The following GNG12 variants were observed in gnomAD, a reference collection of about 807,000 sequenced individuals.
GNG12 encodes guanine nucleotide-binding protein G(I)/G(S)/G(O) subunit gamma-12.
For missense variants in GNG12, 69 were observed against 83.8 expected (o/e 0.82, Z 0.69); for synonymous variants, 28 against 29.7 (o/e 0.94, Z 0.19).
At position 67,808,962 on chromosome 1, in the gene GNG12, G is replaced by A. The variant is rs147633985; in HGVS notation, c.-77+24382C>T. Among the ~76,000 whole-genome samples the A allele has an allele frequency of 1.7e-3, 265 of 152,190 alleles. 1 individual carries two copies. Among genetic ancestry groups the A allele is most frequent in the Middle Eastern group, 3.4e-3 (1 of 294 alleles). On this transcript the variant is annotated intron_variant, in intron 1 of 3. Transcript: ENST00000370982. ...ACTGAATCTAAAGTATTACGAAGAA[G>A]CAAAAGGCCTAGAATAGCCAACTCA...
At chr1:67,750,749 T>C (rs930322078) in intron 2 of GNG12, among the ~76,000 whole-genome samples, 2 of 152,206 alleles carry the variant, frequency 1.3e-5, no homozygotes, top group Admixed American at 6.5e-5. Flanking sequence ...ATATCCTATA[T>C]CTACTTACAT....
chr1:67,750,155 C>A (rs1646530052), intron 2 of GNG12, among the ~76,000 whole-genome samples: 1 of 152,158 alleles, frequency 6.6e-6, no homozygotes, highest in Non-Finnish European at 1.5e-5. Flanking sequence ...ATACCACATG[C>A]CATTTGTAGT....
chr1:67,824,636 T>C (rs1647001731), intron 1 of GNG12, among the ~76,000 whole-genome samples: 1 of 152,138 alleles, frequency 6.6e-6, no homozygotes, highest in South Asian at 2.1e-4. Context: ...ATATATTATA[T>C]ATTTTCAAAA....
chr1:67,780,901 C>T (rs1646733908), intron 1 of GNG12, among the ~76,000 whole-genome samples: 1 of 152,130 alleles, frequency 6.6e-6, no homozygotes, highest in Non-Finnish European at 1.5e-5. Flanking sequence ...TCAAGGACTG[C>T]CAGAAAAGAC....
chr1:67,823,938 A>G (rs529074998), intron 1 of GNG12, among the ~76,000 whole-genome samples: 18 of 152,304 alleles, frequency 1.2e-4, no homozygotes, highest in African/African-American at 4.3e-4. Context: ...GTACATCCAC[A>G]TGATGGAAAA....
At position 67,796,781 on chromosome 1, in the gene GNG12, AG is replaced by A. The variant is rs578075448; in HGVS notation, c.-76-19275del. ...TTGTGTTGCTATAAAGTAATACTTGAGGCTGGATAATTTAGATAAAAAAAGA... is the reference window on the plus strand; with the variant it reads ...TTGTGTTGCTATAAAGTAATACTTGAGCTGGATAATTTAGATAAAAAAAGA... On this transcript the variant is annotated intron_variant, in intron 1 of 3. Transcript: ENST00000370982. Among the ~76,000 whole-genome samples the A allele has an allele frequency of 9.7e-4, 148 of 152,250 alleles. 1 individual carries two copies. Among genetic ancestry groups the A allele is most frequent in the Non-Finnish European group, 1.7e-3 (114 of 68,006 alleles).
intron 2 of GNG12, among the ~76,000 whole-genome samples, chr1:67,755,506 T>C (rs972233973): frequency 3.9e-5 from 6 of 152,348 alleles, no homozygotes; most frequent in Admixed American, 3.9e-4. Context: ...TGAGATTGAA[T>C]GAAGAGCCAG....
At chr1:67,720,691 G>A (rs968613312) in intron 2 of GNG12, among the ~76,000 whole-genome samples, 1 of 152,122 alleles carries the variant, frequency 6.6e-6, no homozygotes, top group Non-Finnish European at 1.5e-5. Flanking sequence ...TCATTAACTA[G>A]TTTTCAAATT....
At chr1:67,793,105 A>ATT (rs1405915319) in intron 1 of GNG12, among the ~76,000 whole-genome samples, 1 of 152,112 alleles carries the variant, frequency 6.6e-6, no homozygotes, top group African/African-American at 2.4e-5. Context: ...TCAACTGGAA[A>ATT]TTGTCTCCTG....
intron 2 of GNG12, among the ~76,000 whole-genome samples, chr1:67,752,744 G>A (rs902822696): frequency 6.6e-6 from 1 of 152,190 alleles, no homozygotes; most frequent in African/African-American, 2.4e-5. Context: ...ACTGACAGTT[G>A]ACTAAGGTAT....
At chr1:67,759,543 T>A (rs921880804) in intron 2 of GNG12, among the ~76,000 whole-genome samples, 5 of 152,218 alleles carry the variant, frequency 3.3e-5, no homozygotes, top group Non-Finnish European at 5.9e-5. Context: ...CTCAATTTCC[T>A]CATCTACAAA....
chr1:67,783,660 T>C (rs970541051), intron 1 of GNG12, among the ~76,000 whole-genome samples: 1 of 152,146 alleles, frequency 6.6e-6, no homozygotes, highest in Non-Finnish European at 1.5e-5. Flanking sequence ...GCGAAGGACA[T>C]GAACAGACAC....
At chr1:67,771,262 G>C (rs1646672730) in intron 2 of GNG12, among the ~76,000 whole-genome samples, 2 of 152,252 alleles carry the variant, frequency 1.3e-5, no homozygotes, top group African/African-American at 2.4e-5. Context: ...TCCTGACTAA[G>C]TGCCAGGCAC....
chr1:67,809,740 T>C (rs1646912959), intron 1 of GNG12, among the ~76,000 whole-genome samples: 1 of 152,098 alleles, frequency 6.6e-6, no homozygotes, highest in Non-Finnish European at 1.5e-5. Flanking sequence ...ACCACACACC[T>C]ACCAGAATAG....
intron 2 of GNG12, among the ~76,000 whole-genome samples, chr1:67,710,050 TTA>T (rs56663352): frequency 1.8e-4 from 8 of 43,294 alleles, no homozygotes; most frequent in East Asian, 5.6e-4. Context: ...ATATATATAG[TTA>T]TATATATATA....
At chr1:67,748,882 C>G (rs187101119) in intron 2 of GNG12, among the ~76,000 whole-genome samples, 1 of 152,278 alleles carries the variant, frequency 6.6e-6, no homozygotes. Context: ...TTCTGTTTCT[C>G]CCACTCATTA....
At chr1:67,807,947 T>A (rs758699995) in intron 1 of GNG12, among the ~76,000 whole-genome samples, 9 of 152,038 alleles carry the variant, frequency 5.9e-5, no homozygotes, top group Non-Finnish European at 1.2e-4. Flanking sequence ...ACAGAATACA[T>A]CCTAACTCAT....
intron 1 of GNG12, among the ~76,000 whole-genome samples, chr1:67,801,970 A>G (rs1646868498): frequency 6.6e-6 from 1 of 151,990 alleles, no homozygotes; most frequent in Non-Finnish European, 1.5e-5. Flanking sequence ...TGAGGAAGAA[A>G]AAGGAGGGAG....
intron 2 of GNG12, among the ~76,000 whole-genome samples, chr1:67,746,651 C>T (rs947286367): frequency 6.6e-6 from 1 of 152,120 alleles, no homozygotes; most frequent in Non-Finnish European, 1.5e-5. Context: ...AAATACTGTT[C>T]TAAAAATAGG....
Sources: gnomAD v4.1 joint callset for allele counts (sites outside exome capture counted in the v4.1 genomes callset) on GRCh38, gnomAD v4.1.1 for gene constraint, MANE v1.5 for transcripts, NCBI Gene and HGNC (gene_info 2026-07-23, HGNC 2026-07-21) for gene names.